Variants in NID2 observed in about 807,000 individuals in gnomAD.
NID2 encodes nidogen 2, also known as nidogen-2.
A neutral mutation model predicts 145.4 loss-of-function variants in NID2; 83 were observed. The observed-to-expected ratio is 0.57, with a 90% confidence interval of 0.48 to 0.69. The LOEUF (loss-of-function observed/expected upper bound fraction) is 0.69. Among genes scored for constraint, NID2 ranks in the 30% least tolerant of loss-of-function variants. NID2 has a pLI of 0.00. For missense variants in NID2, 1,807 were observed against 1,765.7 expected (o/e 1.02, Z -0.42); for synonymous variants, 739 against 701.3 (o/e 1.05, Z -0.85).
At chr14:52,049,817 CCA>C (rs1343480575) in intron 5 of NID2, among the ~76,000 whole-genome samples, 1 of 152,170 alleles carries the variant, frequency 6.6e-6, no homozygotes, top group East Asian at 1.9e-4. Flanking sequence ...CAGGCTCTCT[CCA>C]CTTCTGGTGA....
intron 8 of NID2, among the ~76,000 whole-genome samples, 199 bp from the exon 9 acceptor site, chr14:52,039,176 C>T (rs550119115): frequency 6.6e-6 from 1 of 152,278 alleles, no homozygotes; most frequent in East Asian, 1.9e-4. Flanking sequence ...AGGGAGAAGG[C>T]ACTACAATTG....
At position 52,068,051 on chromosome 14, in the gene NID2, T is replaced by C. The variant is rs1490167484; in HGVS notation, c.341A>G (p.Asp114Gly). Residue 114 changes from aspartate (D) to glycine (G), a missense_variant, in exon 2 of 22, where the codon GAC (aspartate) becomes GGC (glycine). Physicochemically the swap from Asp to Gly is moderately conservative, Grantham distance 94 (BLOSUM62 -1). Coordinates refer to ENST00000216286, the MANE Select transcript of NID2 (RefSeq NM_007361.4). ...PAIAPFLADI[D>G]TSHGRGRVLY... is the part of the protein sequence containing the mutation. Reference sequence around the variant, plus strand: ...GACTCGGCCTCTGCCGTGGCTCGTGTCGATGTCCGCCAGAAAAGGGGCGAT... The same window carrying C: ...GACTCGGCCTCTGCCGTGGCTCGTGCCGATGTCCGCCAGAAAAGGGGCGAT... 6 of 1,613,658 alleles carry C rather than the reference T, an allele frequency of 3.7e-6. No individual in the cohort carries two copies. The highest frequency in any genetic ancestry group is 5.1e-6 in the Non-Finnish European group (6 of 1,179,860).
rs2140403870 is a variant in NID2, at chr14:52,042,768, C to T, written c.1579+14G>A. The T allele has an allele frequency of 6.2e-7, 1 of 1,613,796 alleles. No individual in the cohort carries two copies. Among genetic ancestry groups the T allele is most frequent in the Non-Finnish European group, 8.5e-7 (1 of 1,179,762 alleles). On this transcript the variant is annotated intron_variant, in intron 6 of 21. Coordinates refer to ENST00000216286, the MANE Select transcript of NID2 (RefSeq NM_007361.4). The stretch of plus-strand genomic sequence containing the variant: ...GGAATAGACACACAGGAGTTCCTGG[C>T]CCCAGTCAATTACCTTCAGGCAGAC...
At chr14:52,005,673 A>G in intron 21 of NID2, 64 bp downstream of exon 21, 1 of 1,431,262 alleles carries the variant, frequency 7.0e-7, no homozygotes, top group Non-Finnish European at 9.9e-7. Context: ...GGGTAATCAA[A>G]TACCATATAT....
intron 5 of NID2, among the ~76,000 whole-genome samples, chr14:52,044,495 C>T (rs996409345): frequency 6.6e-6 from 1 of 152,134 alleles, no homozygotes; most frequent in African/African-American, 2.4e-5. Context: ...TGGTCCTGAT[C>T]TCCTGACCTC....
intron 16 of NID2, among the ~76,000 whole-genome samples, chr14:52,012,619 A>G (rs922794820): frequency 2.0e-5 from 3 of 152,178 alleles, no homozygotes; most frequent in African/African-American, 7.2e-5. Context: ...AAAAAATCTA[A>G]TTTATTGGGT....
At chr14:52,054,364 G>T in intron 3 of NID2, 43 bp from the exon 4 acceptor site, 3 of 1,567,682 alleles carry the variant, frequency 1.9e-6, no homozygotes, top group African/African-American at 1.4e-5. Context: ...TGTAACAAAA[G>T]TGTCCATTCA....
intron 8 of NID2, 144 bp downstream of exon 8, chr14:52,040,507 A>G (rs1038505761): frequency 1.0e-5 from 7 of 685,570 alleles, no homozygotes; most frequent in Non-Finnish European, 1.8e-5. Context: ...CATGGTAACA[A>G]TAAGAGTAAT....
At position 52,042,789 on chromosome 14, in the gene NID2, C is replaced by T. The variant is rs1339546965; in HGVS notation, c.1572G>A (p.Leu524=). The T allele has an allele frequency of 6.2e-7, 1 of 1,614,020 alleles. No homozygotes were observed. Among genetic ancestry groups the T allele is most frequent in the Admixed American group, 1.7e-5 (1 of 60,004 alleles). The part of the protein sequence containing the change: ...SKFYGNGKHC[L]PEGAPHRVNG... The stretch of plus-strand genomic sequence containing the variant: ...CTGGCCCCAGTCAATTACCTTCAGG[C>T]AGACAGTGCTTCCCATTTCCATAAA... Residue 524 remains leucine, a synonymous_variant, in exon 6 of 22, where the codon CTG becomes CTA. Coordinates refer to ENST00000216286, the MANE Select transcript of NID2 (RefSeq NM_007361.4).
At chr14:52,053,535 T>C in intron 5 of NID2, 44 bp downstream of exon 5, 1 of 1,559,242 alleles carries the variant, frequency 6.4e-7, no homozygotes, top group Non-Finnish European at 8.7e-7. Flanking sequence ...AAAACCAGCA[T>C]GGTTAAGATG....
In NID2 at chr14:52,068,083, G is replaced by C. The variant is rs751696571; in HGVS notation, c.309C>G (p.Phe103Leu). Residue 103 changes from phenylalanine (F) to leucine (L), a missense_variant, in exon 2 of 22, where the codon TTC (phenylalanine) becomes TTG (leucine). By Grantham distance (22) the Phe-to-Leu change is conservative. Transcript: ENST00000216286. ...QYVDYDFPTD[F>L]PAIAPFLADI... ...CCGCCAGAAAAGGGGCGATGGCCGG[G>C]AAGTCGGTGGGGAAATCATAGTCCA... The C allele has an allele frequency of 1.2e-6, 2 of 1,613,708 alleles. No individual in the cohort carries two copies. The highest frequency in any genetic ancestry group is 2.2e-5 in the South Asian group (2 of 90,926).
chr14:52,054,439 C>T, intron 3 of NID2, 118 bp from the exon 4 acceptor site: 3 of 1,029,900 alleles, frequency 2.9e-6, no homozygotes, highest in South Asian at 1.7e-5. Flanking sequence ...TGGTGGCTCA[C>T]ACTTATAATC....
intron 12 of NID2, among the ~76,000 whole-genome samples, chr14:52,021,433 C>T (rs968658440): frequency 6.6e-6 from 1 of 152,204 alleles, no homozygotes; most frequent in South Asian, 2.1e-4. Flanking sequence ...GAGTTACCTG[C>T]ACCACCCTTT....
Position 52,068,747 on chromosome 14 carries a change from CA to C in NID2, c.228+19del. 6.3e-7 allele frequency: 1 copy of C among 1,587,032 alleles called. No individual in the cohort carries two copies. The highest frequency in any genetic ancestry group is 2.2e-5 in the East Asian group (1 of 44,552). On this transcript the variant is annotated intron_variant, in intron 1 of 21. Coordinates refer to ENST00000216286, the MANE Select transcript of NID2 (RefSeq NM_007361.4). ...AGGGAAGAAGCTGCGGGAAAAGTGC[CA>C]GGAGGGGGCTGAACTTACGTAGAGG...
At chr14:52,057,308 G>A (rs762674426) in intron 3 of NID2, among the ~76,000 whole-genome samples, 7 of 152,304 alleles carry the variant, frequency 4.6e-5, no homozygotes, top group Non-Finnish European at 1.0e-4. Flanking sequence ...CTCCCAAAGC[G>A]CTGGGATTAG....
chr14:52,005,960 T>G, intron 20 of NID2, 111 bp from the exon 21 acceptor site: 2 of 743,260 alleles, frequency 2.7e-6, no homozygotes, highest in Non-Finnish European at 4.7e-6. Flanking sequence ...CAGCCTTCTC[T>G]GTCCCAGGGC....
intron 12 of NID2, among the ~76,000 whole-genome samples, chr14:52,025,464 A>C (rs980776473): frequency 6.6e-6 from 1 of 152,204 alleles, no homozygotes; most frequent in African/African-American, 2.4e-5. Context: ...AGGAATCCCA[A>C]CTGAGGGTTA....
rs892557440 is a variant in NID2 at position 52,011,129 on chromosome 14, A to AG, written c.3551-83dup. The AG allele has an allele frequency of 3.3e-5, 46 of 1,399,976 alleles. No homozygotes were observed. In the East Asian group the frequency reaches 8.6e-4, roughly 26 times the overall value. 86.7% of individuals were successfully genotyped at this position (1,399,976 alleles called of 1,614,324 possible). ...GAAGCCCTCCAACGGTCGGGTGGGC[A>AG]GGGGGGTCAGCAGGGGAAAGCAAAG... is the stretch of plus-strand genomic sequence containing the variant. On this transcript the variant is annotated intron_variant, in intron 17 of 21. Transcript: ENST00000216286.
At chr14:52,030,577 G>GAAAGAAAGAAAGAAAGAAAGAAAGAAA (rs1566755681) in intron 9 of NID2, among the ~76,000 whole-genome samples, 3 of 92,952 alleles carry the variant, frequency 3.2e-5, no homozygotes, top group African/African-American at 1.2e-4. Context: ...AGGAAGGAAG[G>GAAAGAAAGAAAGAAAGAAAGAAAGAAA]GAAAGAAAGA....
Sources: gnomAD v4.1 joint callset for allele counts (sites outside exome capture counted in the v4.1 genomes callset) on GRCh38, gnomAD v4.1.1 for gene constraint, MANE v1.5 for transcripts, NCBI Gene and HGNC (gene_info 2026-07-23, HGNC 2026-07-21) for gene names.